Variants in PBX1 observed in about 807,000 individuals in gnomAD.
PBX1 encodes the protein PBX homeobox 1, also known as pre-B-cell leukemia transcription factor 1.
A neutral mutation model predicts 53.4 loss-of-function variants in PBX1; 6 were observed. The observed-to-expected ratio is 0.11, with a 90% CI of 0.06 to 0.22. The LOEUF is 0.22. Ranked by LOEUF, PBX1 falls within the 10% of genes least tolerant of loss-of-function variation. The probability of loss-of-function intolerance (pLI) is 1.00; values close to 1 mark genes in which losing one functional copy is unlikely to be tolerated. For synonymous variants in PBX1, 204 were observed against 212.3 expected, an observed-to-expected ratio of 0.96 and a Z score of 0.34; for missense variants, 251 against 551.4, an observed-to-expected ratio of 0.46 and a Z score of 5.46.
chr1:164,829,879 T>G (rs1274511326), intron 8 of PBX1: 1 of 152,050 alleles, frequency 6.6e-6, no homozygotes, highest in Non-Finnish European at 1.5e-5. Context: ...GAAGAATTAA[T>G]ACTGATTAGC....
At chr1:164,710,689 G>A (rs753836105) in intron 2 of PBX1, among the ~76,000 whole-genome samples, 3 of 152,190 alleles carry the variant, frequency 2.0e-5, no homozygotes, top group Non-Finnish European at 2.9e-5. Context: ...GGGATTATAG[G>A]TGTGAACCAC....
chr1:164,660,461 T>C (rs1467680515), intron 2 of PBX1, among the ~76,000 whole-genome samples: 5 of 152,222 alleles, frequency 3.3e-5, no homozygotes, highest in Non-Finnish European at 7.3e-5. Context: ...AAGGACACTT[T>C]ACAGACCTCC....
chr1:164,748,716 T>C (rs1262797599), intron 2 of PBX1, among the ~76,000 whole-genome samples: 1 of 152,176 alleles, frequency 6.6e-6, no homozygotes, highest in Admixed American at 6.5e-5. Flanking sequence ...ATTGTGGTCA[T>C]GGGAAGCATA....
At chr1:164,836,501 C>A (rs1671046820) in intron 8 of PBX1, among the ~76,000 whole-genome samples, 1 of 152,206 alleles carries the variant, frequency 6.6e-6, no homozygotes, top group African/African-American at 2.4e-5. Flanking sequence ...ATTCAAAATT[C>A]TTGAGCACAT....
intron 2 of PBX1, among the ~76,000 whole-genome samples, chr1:164,734,079 CAT>C (rs759250866): frequency 6.6e-6 from 1 of 152,192 alleles, no homozygotes; most frequent in Non-Finnish European, 1.5e-5. Flanking sequence ...TTTTTCACTA[CAT>C]GTTTGCTGAC....
At chr1:164,665,533 C>T (rs1383197872) in intron 2 of PBX1, among the ~76,000 whole-genome samples, 1 of 152,292 alleles carries the variant, frequency 6.6e-6, no homozygotes, top group Non-Finnish European at 1.5e-5. Context: ...GTGATCCACC[C>T]GCCTTGGCCT....
chr1:164,788,090 A>C (rs1429311411), intron 2 of PBX1, among the ~76,000 whole-genome samples: 2 of 150,084 alleles, frequency 1.3e-5, no homozygotes, highest in Non-Finnish European at 3.0e-5. Flanking sequence ...GATGAGGGGG[A>C]GGGAGAGAGC....
chr1:164,807,083 C>A (rs1486346967), intron 4 of PBX1, among the ~76,000 whole-genome samples: 1 of 152,066 alleles, frequency 6.6e-6, no homozygotes, highest in East Asian at 1.9e-4. Flanking sequence ...ATGATGAAAC[C>A]CCATCTCTAC....
chr1:164,670,594 T>C (rs892707268), intron 2 of PBX1, among the ~76,000 whole-genome samples: 4 of 152,032 alleles, frequency 2.6e-5, no homozygotes, highest in Admixed American at 6.6e-5. Context: ...GAGAGGTAGA[T>C]GGGGAGCAGG....
downstream of PBX1, chr1:164,854,306 C>T (rs1671929216): frequency 6.6e-6 from 1 of 151,776 alleles, no homozygotes; most frequent in Non-Finnish European, 1.5e-5. Flanking sequence ...CTTCTCCACT[C>T]CCACTGCTTA....
chr1:164,618,297 C>A (rs12042363), intron 2 of PBX1, among the ~76,000 whole-genome samples: 1 of 18,106 alleles, frequency 5.5e-5, no homozygotes, highest in East Asian at 5.2e-3. Context: ...ATAATCACGG[C>A]GGGGGGGGGG....
rs761288537 is a variant in PBX1, at chr1:164,851,752, G to A, written c.*5076G>A. 2.2e-5 allele frequency: 4 copies of A among 178,520 alleles called. No individual in the cohort carries two copies. Among genetic ancestry groups the A allele is most frequent in the Non-Finnish European group, 4.8e-5 (4 of 83,296 alleles). 11.1% of individuals were successfully genotyped at this position (178,520 alleles called of 1,614,324 possible). A position where few individuals can be genotyped will look rare whatever the true frequency, so the allele number is the denominator to read the frequency against. ...TTGTGTTCTCTAATGATACTAACAC[G>A]GTGTAGGTTTTACAGTCTCCTAATT... On this transcript the variant is annotated 3_prime_UTR_variant, in exon 9 of 9. Coordinates refer to ENST00000420696, the MANE Select transcript of PBX1 (RefSeq NM_002585.4).
Position 164,603,910 on chromosome 1 carries a change from C to CTGTACATTATG in PBX1, c.265+40601_265+40611dup, listed in dbSNP as rs1656348797. Among the ~76,000 whole-genome samples the CTGTACATTATG allele has an allele frequency of 1.1e-4, 15 of 130,866 alleles. No individual in the cohort carries two copies. The South Asian group carries it at 3.5e-3, about 30-fold the overall frequency. The allele number at this position is 130,866 out of a possible 152,430, so 85.9% of individuals were successfully genotyped here. A position where few individuals can be genotyped will look rare whatever the true frequency, so the allele number is the denominator to read the frequency against. ...TTGCTAGACATTAATGCAAGACACT[C>CTGTACATTATG]TGTACATTATGTCATTTCATTTTTT... On this transcript the variant is annotated intron_variant, in intron 2 of 8. Transcript: ENST00000420696.
chr1:164,573,644 A>T lies in PBX1; in HGVS notation c.265+10333A>T, dbSNP rs543392025. Among the ~76,000 whole-genome samples, 4 of 152,082 alleles carry T rather than the reference A, an allele frequency of 2.6e-5. No homozygotes were observed. In the East Asian group the frequency reaches 7.8e-4, roughly 30 times the overall value. On this transcript the variant is annotated intron_variant, in intron 2 of 8. Coordinates refer to ENST00000420696, the MANE Select transcript of PBX1 (RefSeq NM_002585.4). ...GTAGCTGGGATTACAGGCGCCTGCC[A>T]CTACACACCCTGCTAATTTTTAGTA...
At chr1:164,710,908 T>G (rs964834797) in intron 2 of PBX1, among the ~76,000 whole-genome samples, 2 of 152,196 alleles carry the variant, frequency 1.3e-5, no homozygotes, top group African/African-American at 4.8e-5. Context: ...ATGGCTTACC[T>G]TCCTCCAAGT....
At chr1:164,829,022 T>C (rs960020374) in intron 8 of PBX1, 7 of 152,206 alleles carry the variant, frequency 4.6e-5, no homozygotes, top group Middle Eastern at 3.2e-3. Context: ...TATTAGTAAA[T>C]AAGTAAATAA....
intron 2 of PBX1, among the ~76,000 whole-genome samples, chr1:164,634,649 C>T (rs1658626239): frequency 6.6e-6 from 1 of 152,184 alleles, no homozygotes; most frequent in Admixed American, 6.5e-5. Context: ...GAAGTGTTGG[C>T]TCCCCATTAA....
At chr1:164,738,578 A>G (rs1428319996) in intron 2 of PBX1, among the ~76,000 whole-genome samples, 1 of 152,188 alleles carries the variant, frequency 6.6e-6, no homozygotes, top group Non-Finnish European at 1.5e-5. Context: ...ACATCCTGCA[A>G]TATATTTAAT....
Position 164,849,116 on chromosome 1 carries a change from T to A in PBX1, c.*2440T>A. On this transcript the variant is annotated 3_prime_UTR_variant, in exon 9 of 9. Transcript: ENST00000420696. ...AGAACATGGTTGAATCACATTTGCT[T>A]GACTTAGGGCAAAGTACGAAAGAGA... The A allele has an allele frequency of 7.3e-7, 1 of 1,363,166 alleles. No homozygotes were observed. The highest frequency in any genetic ancestry group is 9.5e-7 in the Non-Finnish European group (1 of 1,056,934). 84.4% of individuals were successfully genotyped at this position (1,363,166 alleles called of 1,614,324 possible). A position where few individuals can be genotyped will look rare whatever the true frequency, so the allele number is the denominator to read the frequency against.
Sources: allele counts gnomAD v4.1 joint callset (sites outside exome capture counted in the v4.1 genomes callset), GRCh38; gene constraint gnomAD v4.1.1; transcripts MANE v1.5; gene names NCBI Gene and HGNC (gene_info 2026-07-23, HGNC 2026-07-21).